The following USP10 variants were observed in gnomAD, a reference collection of about 807,000 sequenced individuals.
The protein encoded by USP10 is ubiquitin specific peptidase 10, also known as ubiquitin carboxyl-terminal hydrolase 10.
In USP10, 22 loss-of-function variants were observed where a neutral mutation model predicts 84.5. The ratio of observed to expected loss-of-function variants is 0.26; its 90% CI spans 0.19 to 0.37. USP10 has a LOEUF of 0.37. Among genes scored for constraint, USP10 ranks in the 10% least tolerant of loss-of-function variants. USP10 has a pLI of 1.00. For missense variants in USP10, 1,019 were observed against 998.9 expected (o/e 1.02, Z -0.27); for synonymous variants, 454 against 387.6 (o/e 1.17, Z -2.01).
chr16:84,737,072 G>A (rs1312215319), intron 2 of USP10, among the ~76,000 whole-genome samples: 1 of 152,222 alleles, frequency 6.6e-6, no homozygotes, highest in East Asian at 1.9e-4. Context: ...ACAGGCGTGA[G>A]CCACCACGCC....
In USP10 at chr16:84,700,034, C is replaced by G; in HGVS notation, c.-57C>G. On this transcript the variant is annotated 5_prime_UTR_variant, in exon 1 of 14. Transcript: ENST00000219473. ...TGTGCGGGCGAGAAGATGGCGGCGG[C>G]GGGGGAAGCAGCGTGAGCAGCCGGA... 3 of 1,338,064 alleles carry G rather than the reference C, an allele frequency of 2.2e-6. No individual in the cohort carries two copies. Among genetic ancestry groups the G allele is most frequent in the Non-Finnish European group, 9.8e-7 (1 of 1,020,746 alleles). 82.9% of individuals were successfully genotyped at this position (1,338,064 alleles called of 1,614,324 possible).
At chr16:84,735,196 G>GATATGT (rs1555541026) in intron 2 of USP10, among the ~76,000 whole-genome samples, 4 of 146,264 alleles carry the variant, frequency 2.7e-5, no homozygotes, top group African/African-American at 1.0e-4. Context: ...AGGCCCGGGT[G>GATATGT]GTGTGTGTGT....
intron 12 of USP10, among the ~76,000 whole-genome samples, chr16:84,774,333 C>G (rs989914329): frequency 6.6e-6 from 1 of 152,168 alleles, no homozygotes; most frequent in Non-Finnish European, 1.5e-5. Flanking sequence ...GAACAGCATG[C>G]CTCCGACGGA....
chr16:84,742,173 T>A (rs1290698778), intron 3 of USP10, among the ~76,000 whole-genome samples: 1 of 152,208 alleles, frequency 6.6e-6, no homozygotes, highest in Non-Finnish European at 1.5e-5. Context: ...AATAATCACA[T>A]CAAGGTGAAT....
intron 2 of USP10, among the ~76,000 whole-genome samples, chr16:84,736,719 T>A (rs994899899): frequency 6.6e-6 from 1 of 152,130 alleles, no homozygotes; most frequent in African/African-American, 2.4e-5. Flanking sequence ...GTGTTGGCAG[T>A]GGGCAGTGTG....
At chr16:84,742,754 G>C (rs1910773089) in intron 3 of USP10, among the ~76,000 whole-genome samples, 1 of 152,164 alleles carries the variant, frequency 6.6e-6, no homozygotes, top group Non-Finnish European at 1.5e-5. Context: ...CATAAGAAGA[G>C]GAACTGTGCT....
Position 84,753,788 on chromosome 16 carries a change from A to T in USP10, c.1193-4928A>T, listed in dbSNP as rs957501181. 3.9e-5 allele frequency among the ~76,000 whole-genome samples: 6 copies of T among 152,370 alleles called. No homozygotes were observed. In the South Asian group the frequency reaches 6.2e-4, roughly 16 times the overall value. ...AACAACTTTAATCTCCAGATGTTTA[A>T]TTGATCCTGTATTACTGTCTAATGA... On this transcript the variant is annotated intron_variant, in intron 4 of 13. Coordinates refer to ENST00000219473, the MANE Select transcript of USP10 (RefSeq NM_005153.3).
At chr16:84,749,920 C>A (rs901032694) in intron 4 of USP10, among the ~76,000 whole-genome samples, 3 of 152,012 alleles carry the variant, frequency 2.0e-5, no homozygotes, top group Non-Finnish European at 4.4e-5. Flanking sequence ...CAAGTGTGAA[C>A]TGTTATTTGA....
In USP10 at chr16:84,730,581, C is replaced by G. The variant is rs1011588162; in HGVS notation, c.22-2854C>G. ...CCAGCTCATGACTTGAGGGTGTTTG[C>G]CGCTGACTCATGCTGAAGCCACTTG... On this transcript the variant is annotated intron_variant, in intron 1 of 13. Transcript: ENST00000219473. Among the ~76,000 whole-genome samples the G allele has an allele frequency of 2.0e-5, 3 of 152,134 alleles. No individual in the cohort carries two copies. The East Asian group carries it at 5.8e-4, about 29-fold the overall frequency.
At chr16:84,741,065 A>T (rs181962640) in intron 3 of USP10, among the ~76,000 whole-genome samples, 1 of 152,372 alleles carries the variant, frequency 6.6e-6, no homozygotes, top group African/African-American at 2.4e-5. Flanking sequence ...ACTGGCCTCC[A>T]GGAAACTGAT....
At chr16:84,717,761 A>G (rs1004495088) in intron 1 of USP10, among the ~76,000 whole-genome samples, 36 of 152,164 alleles carry the variant, frequency 2.4e-4, no homozygotes, top group African/African-American at 8.7e-4. Context: ...TGTTCAGGAA[A>G]GTGCTTCTAC....
At chr16:84,761,028 G>A (rs1913145390) in intron 8 of USP10, among the ~76,000 whole-genome samples, 3 of 152,202 alleles carry the variant, frequency 2.0e-5, no homozygotes, top group Non-Finnish European at 4.4e-5. Context: ...ACCACCAGGG[G>A]TAGCATAGGG....
rs1240438090 is a variant in USP10, at chr16:84,744,674, A to G, written c.193A>G (p.Ile65Val). 6.8e-6 allele frequency: 11 copies of G among 1,613,312 alleles called. No individual in the cohort carries two copies. Among genetic ancestry groups the G allele is most frequent in the Non-Finnish European group, 9.3e-6 (11 of 1,179,542 alleles). Residue 65 changes from isoleucine (I) to valine (V), a missense_variant, in exon 4 of 14, where the codon ATT (isoleucine) becomes GTT (valine). Transcript: ENST00000219473. ...AATTGAGTTTGGTGTCGATGAAGTC[A>G]TTGAACCCAGTGACACTTTGCCGAG... ...QRIEFGVDEV[I>V]EPSDTLPRTP...
intron 9 of USP10, 126 bp from the exon 10 acceptor site, chr16:84,763,960 C>T: frequency 5.8e-6 from 7 of 1,215,906 alleles, no homozygotes; most frequent in Non-Finnish European, 7.9e-6. Context: ...CGATTGGTTG[C>T]CGTGGCTCCT....
chr16:84,752,681 C>T (rs926917971), intron 4 of USP10, among the ~76,000 whole-genome samples: 17 of 152,158 alleles, frequency 1.1e-4, no homozygotes, highest in African/African-American at 3.6e-4. Context: ...GAACATAATT[C>T]GGTCTGGTCT....
intron 1 of USP10, among the ~76,000 whole-genome samples, chr16:84,707,256 A>AGAAT (rs948344706): frequency 1.3e-5 from 2 of 152,240 alleles, no homozygotes; most frequent in African/African-American, 4.8e-5. Flanking sequence ...AAACATTTAC[A>AGAAT]GAATGAATGA....
intron 3 of USP10, among the ~76,000 whole-genome samples, chr16:84,741,672 C>CT (rs916420554): frequency 4.6e-5 from 7 of 152,182 alleles, no homozygotes; most frequent in Admixed American, 1.3e-4. Context: ...TAAGTCCTGC[C>CT]TTTTTTCTGC....
At chr16:84,745,816 G>C (rs1361229207) in intron 4 of USP10, 143 bp downstream of exon 4, 2 of 892,044 alleles carry the variant, frequency 2.2e-6, no homozygotes, top group Non-Finnish European at 3.3e-6. Flanking sequence ...TGTCTTAAAT[G>C]TTCTCTAAAA....
chr16:84,775,162 C>G lies in USP10; in HGVS notation c.2146C>G (p.Leu716Val), dbSNP rs1468718905. The change falls in exon 13 of 14, where the codon CTG (leucine) becomes GTG (valine). Residue 716 changes from leucine (L) to valine (V), a missense_variant and splice_region_variant. Around this residue, in one of 2 missense-constraint regions of USP10, gnomAD observed 232 missense variants for 290.1 expected, o/e 0.80. Coordinates refer to ENST00000219473, the MANE Select transcript of USP10 (RefSeq NM_005153.3). ...GCCATTGATATTTTGTTTTCCAGAACTGCTTTCTCCAGGGGTTAAAAATAA... is the reference window on the plus strand; with the variant it reads ...GCCATTGATATTTTGTTTTCCAGAAGTGCTTTCTCCAGGGGTTAAAAATAA... ...YPVDLEISKE[L>V]LSPGVKNKNF... 1 of 1,613,620 alleles carries G rather than the reference C, an allele frequency of 6.2e-7. No individual in the cohort carries two copies. Among genetic ancestry groups the G allele is most frequent in the Admixed American group, 1.7e-5 (1 of 60,000 alleles).
Sources: gnomAD v4.1 joint callset for allele counts (sites outside exome capture counted in the v4.1 genomes callset) on GRCh38, gnomAD v4.1.1 for gene constraint, gnomAD v4.1.1 regional missense constraint, MANE v1.5 for transcripts, NCBI Gene and HGNC (gene_info 2026-07-23, HGNC 2026-07-21) for gene names.